SPG11: variants seen among roughly 807,000 people sequenced by gnomAD.
The protein encoded by SPG11 is SPG11 vesicle trafficking associated, spatacsin, also known as spatacsin.
A neutral mutation model predicts 274.0 loss-of-function variants in SPG11; 222 were observed. The ratio of observed to expected loss-of-function variants is 0.81; its 90% CI spans 0.73 to 0.91. The LOEUF (loss-of-function observed/expected upper bound fraction) is 0.91, where lower values mean the gene tolerates loss of function less well. SPG11 is among the 40% of genes least tolerant of loss of function. The pLI is 0.00. For synonymous variants in SPG11, 1,144 were observed against 1,039.7 expected, an observed-to-expected ratio of 1.10 and a Z score of -1.93; for missense variants, 3,114 against 2,872.7, an observed-to-expected ratio of 1.08 and a Z score of -1.92.
chr15:44,618,251 G>A (rs1363471576), intron 15 of SPG11, among the ~76,000 whole-genome samples: 2 of 151,746 alleles, frequency 1.3e-5, no homozygotes, highest in Non-Finnish European at 2.9e-5. Context: ...GCTCACGCCT[G>A]TAATCCCAGC....
chr15:44,584,450 A>G lies in SPG11; in HGVS notation c.5230T>C (p.Ser1744Pro). 1 of 1,614,236 alleles carries G rather than the reference A, an allele frequency of 6.2e-7. No homozygotes were observed. The highest frequency in any genetic ancestry group is 2.2e-5 in the East Asian group (1 of 44,886). Reference protein sequence around the residue: ...CHENFKKNSISSKAASSFFST... With the variant: ...CHENFKKNSIPSKAASSFFST... The stretch of plus-strand genomic sequence containing the variant: ...AAAAAGGAAGAAGCTGCTTTGCTTG[A>G]AATTGAATTTTTCTTAAAATTCTCA... The change falls in exon 30 of 40, where the codon TCA becomes CCA. Residue 1744 changes from serine (S) to proline (P), a missense_variant. Transcript: ENST00000261866.
At chr15:44,627,867 G>A (rs1459095190) in intron 10 of SPG11, among the ~76,000 whole-genome samples, 1 of 152,170 alleles carries the variant, frequency 6.6e-6, no homozygotes, top group Non-Finnish European at 1.5e-5. Flanking sequence ...GGGATTACAG[G>A]CGTGAGCCAC....
chr15:44,662,609 G>A (rs1460387820), intron 1 of SPG11, among the ~76,000 whole-genome samples: 5 of 143,264 alleles, frequency 3.5e-5, no homozygotes, highest in Admixed American at 2.2e-4. Context: ...AACCGTGACT[G>A]AGCCACTACA....
At chr15:44,565,712 A>G (rs976067708) in intron 38 of SPG11, 142 bp downstream of exon 38, 23 of 1,037,820 alleles carry the variant, frequency 2.2e-5, no homozygotes, top group Admixed American at 9.9e-5. Flanking sequence ...TTGCCGTTCT[A>G]TGTTGGTATC....
At chr15:44,622,648 T>G in intron 12 of SPG11, 80 bp downstream of exon 12, 2 of 1,195,970 alleles carry the variant, frequency 1.7e-6, no homozygotes, top group South Asian at 2.5e-5. Flanking sequence ...TACTTAAGGT[T>G]TTTCTTCCAA....
At chr15:44,573,090 G>A (rs1216937038) in intron 32 of SPG11, among the ~76,000 whole-genome samples, 1 of 146,174 alleles carries the variant, frequency 6.8e-6, no homozygotes, top group Non-Finnish European at 1.5e-5. Context: ...AGGTTCAAAC[G>A]ATTCTCCTGC....
intron 4 of SPG11, among the ~76,000 whole-genome samples, chr15:44,655,323 C>T (rs187666306): frequency 1.3e-5 from 2 of 152,288 alleles, no homozygotes; most frequent in East Asian, 1.9e-4. Flanking sequence ...TATTTTTCAT[C>T]ATGTTTCGTG....
intron 26 of SPG11, among the ~76,000 whole-genome samples, chr15:44,594,506 G>A (rs1462210589): frequency 6.6e-6 from 1 of 150,684 alleles, no homozygotes; most frequent in East Asian, 2.0e-4. Context: ...AGTGCTCTGG[G>A]AAGATGAGGC....
chr15:44,573,458 G>A (rs1416569127), intron 32 of SPG11, 89 bp downstream of exon 32: 1 of 1,361,932 alleles, frequency 7.3e-7, no homozygotes, highest in East Asian at 2.4e-5. Context: ...CCACATACAG[G>A]ATGTATATAA....
chr15:44,643,213 T>TA (rs1465683731), intron 7 of SPG11, among the ~76,000 whole-genome samples: 1 of 152,176 alleles, frequency 6.6e-6, no homozygotes, highest in Admixed American at 6.6e-5. Flanking sequence ...ATAGCTGAGT[T>TA]AGATTTCCTA....
chr15:44,618,034 A>C (rs924357410), intron 15 of SPG11, among the ~76,000 whole-genome samples: 14 of 152,256 alleles, frequency 9.2e-5, no homozygotes, highest in African/African-American at 3.4e-4. Flanking sequence ...ACAAAACAAA[A>C]AACAAAAAAC....
At chr15:44,588,981 G>A (rs2082836228) in intron 28 of SPG11, among the ~76,000 whole-genome samples, 1 of 152,206 alleles carries the variant, frequency 6.6e-6, no homozygotes, top group Non-Finnish European at 1.5e-5. Context: ...CCCACAACAG[G>A]GTAATGTAGA....
Position 44,584,563 on chromosome 15 carries a change from GA to G in SPG11, c.5122-6del, listed in dbSNP as rs1379359957. ...GGTCTGCATTTCCTGTGTTATCTGTGAAATTTAACAAAGCAGATTTTAGCCT... is the reference window on the plus strand; with the variant it reads ...GGTCTGCATTTCCTGTGTTATCTGTGAATTTAACAAAGCAGATTTTAGCCT... On this transcript the variant is annotated splice_polypyrimidine_tract_variant and splice_region_variant and intron_variant, in intron 29 of 39. Coordinates refer to ENST00000261866, the MANE Select transcript of SPG11 (RefSeq NM_025137.4). 5 of 1,607,066 alleles carry G rather than the reference GA, an allele frequency of 3.1e-6. No homozygotes were observed. Among genetic ancestry groups the G allele is most frequent in the Admixed American group, 1.7e-5 (1 of 60,002 alleles).
intron 39 of SPG11, 43 bp from the exon 40 acceptor site, chr15:44,563,344 T>C: frequency 6.4e-7 from 1 of 1,568,396 alleles, no homozygotes; most frequent in Non-Finnish European, 8.8e-7. Flanking sequence ...TACTGTTTTT[T>C]GTTTTGTTTT....
chr15:44,642,697 CAAA>C (rs201516811), intron 7 of SPG11, among the ~76,000 whole-genome samples: 2 of 115,280 alleles, frequency 1.7e-5, no homozygotes, highest in African/African-American at 3.1e-5. Context: ...TCCACCTCTA[CAAA>C]AAAAAAAAAA....
Position 44,602,486 on chromosome 15 carries a change from T to G in SPG11, c.3521-1854A>C, listed in dbSNP as rs540571934. ...GATATGATCATATGGTTTTTGTCTT[T>G]TTTTTTTTTTGAGATGGAGTCTTGC... is the stretch of plus-strand genomic sequence containing the variant. On this transcript the variant is annotated intron_variant, in intron 20 of 39. Transcript: ENST00000261866. Among the ~76,000 whole-genome samples, 88 of 151,616 alleles carry G rather than the reference T, an allele frequency of 5.8e-4. 1 individual carries two copies. Among genetic ancestry groups the G allele is most frequent in the Non-Finnish European group, 9.3e-4 (63 of 67,818 alleles).
In SPG11 at chr15:44,659,180, T is replaced by G. The variant is rs752834137; in HGVS notation, c.566A>C (p.Asn189Thr). 6.2e-7 allele frequency: 1 copy of G among 1,614,230 alleles called. No individual in the cohort carries two copies. The highest frequency in any genetic ancestry group is 8.5e-7 in the Non-Finnish European group (1 of 1,180,028). The change falls in exon 3 of 40, where the codon AAC (asparagine) becomes ACC (threonine). Residue 189 changes from asparagine (N) to threonine (T), a missense_variant. Physicochemically the swap from Asn to Thr is moderately conservative, Grantham distance 65 (BLOSUM62 0). Transcript: ENST00000261866. Reference sequence around the variant, plus strand: ...TGCAGGCAAGGGAAGTGTGAAACAGTTGAGTACTCTAATTGCAGCATCTCT... The same window carrying G: ...TGCAGGCAAGGGAAGTGTGAAACAGGTGAGTACTCTAATTGCAGCATCTCT... ...PERDAAIRVL[N>T]CFTLPLPAQA...
chr15:44,608,658 A>AG, intron 18 of SPG11, 53 bp from the exon 19 acceptor site: 1 of 1,577,726 alleles, frequency 6.3e-7, no homozygotes. Context: ...CTCTTCTCAA[A>AG]GTTTCTTTTT....
In SPG11 at chr15:44,585,709, T is replaced by C; in HGVS notation, c.5048A>G (p.Asp1683Gly). 4.3e-6 allele frequency: 7 copies of C among 1,612,282 alleles called. No individual in the cohort carries two copies. The highest frequency in any genetic ancestry group is 3.3e-5 in the South Asian group (3 of 91,046). Residue 1683 changes from aspartate to glycine, a missense_variant, in exon 29 of 40, where the codon GAT (aspartate) becomes GGT (glycine). Coordinates refer to ENST00000261866, the MANE Select transcript of SPG11 (RefSeq NM_025137.4). ...CRSILERLQT[D>G]GQFALARRVA... ...CCTCCTGGCCAAAGCGAATTGTCCATCTGTCTGCAGTCTTTCCAAAATAGA... is the reference window on the plus strand; with the variant it reads ...CCTCCTGGCCAAAGCGAATTGTCCACCTGTCTGCAGTCTTTCCAAAATAGA...
Sources: allele counts gnomAD v4.1 joint callset (sites outside exome capture counted in the v4.1 genomes callset), GRCh38; gene constraint gnomAD v4.1.1; transcripts MANE v1.5; gene names NCBI Gene and HGNC (gene_info 2026-07-23, HGNC 2026-07-21).